Variants in RAB1A observed in about 807,000 individuals in gnomAD.
RAB1A encodes RAB1A, member RAS oncogene family.
RAB1A carries 2 observed loss-of-function variants against 26.0 expected under a neutral mutation model. The ratio of observed to expected loss-of-function variants is 0.08; its 90% CI spans 0.03 to 0.24. The LOEUF is 0.24. Ranked by LOEUF, RAB1A falls within the 10% of genes least tolerant of loss-of-function variation. RAB1A has a pLI of 1.00. For synonymous variants in RAB1A, 84 were observed against 84.9 expected, an observed-to-expected ratio of 0.99 and a Z score of 0.06; for missense variants, 100 against 247.0, an observed-to-expected ratio of 0.40 and a Z score of 3.99.
Position 65,104,715 on chromosome 2 carries a change from CATTTCA to C in RAB1A, c.96+13_96+18del, listed in dbSNP as rs1224340967. 6.6e-7 allele frequency: 1 copy of C among 1,513,026 alleles called. No individual in the cohort carries two copies. The highest frequency in any genetic ancestry group is 9.0e-7 in the Non-Finnish European group (1 of 1,106,840). 93.7% of individuals were successfully genotyped at this position (1,513,026 alleles called of 1,614,324 possible). A position where few individuals can be genotyped will look rare whatever the true frequency, so the allele number is the denominator to read the frequency against. On this transcript the variant is annotated intron_variant, in intron 2 of 5. Transcript: ENST00000409784. ...TTAATTGTACCATTAATTGTAAAGACATTTCAATTTCAACTTACTGCAAACCTAAGA... is the reference window on the plus strand; with the variant it reads ...TTAATTGTACCATTAATTGTAAAGACATTTCAACTTACTGCAAACCTAAGA...
chr2:65,105,786 G>C (rs1056384223), intron 1 of RAB1A, among the ~76,000 whole-genome samples: 10 of 150,326 alleles, frequency 6.7e-5, no homozygotes, highest in African/African-American at 2.4e-4. Context: ...TTTTTGAGAC[G>C]GAGTCTTGCT....
chr2:65,104,935 T>C (rs900582231), intron 1 of RAB1A, 129 bp from the exon 2 acceptor site: 9 of 828,280 alleles, frequency 1.1e-5, no homozygotes, highest in African/African-American at 3.3e-5. Context: ...AGCCCATGCA[T>C]GGCTTAAGCC....
At chr2:65,094,314 G>A (rs866536045) in intron 3 of RAB1A, among the ~76,000 whole-genome samples, 8 of 152,316 alleles carry the variant, frequency 5.3e-5, no homozygotes, top group South Asian at 4.1e-4. Context: ...GCCAGGCGCC[G>A]TGGCTCACGA....
intron 3 of RAB1A, among the ~76,000 whole-genome samples, chr2:65,095,910 T>C (rs1436898280): frequency 6.6e-6 from 1 of 151,986 alleles, no homozygotes; most frequent in Non-Finnish European, 1.5e-5. Flanking sequence ...TCCCAGCACT[T>C]TGGGAAGCCG....
chr2:65,124,064 G>A (rs1302317050), intron 1 of RAB1A, among the ~76,000 whole-genome samples: 1 of 150,936 alleles, frequency 6.6e-6, no homozygotes, highest in African/African-American at 2.4e-5. Flanking sequence ...TTGGCTCACG[G>A]CAACCTCTTT....
intron 1 of RAB1A, among the ~76,000 whole-genome samples, chr2:65,115,592 A>T (rs1669806086): frequency 6.6e-6 from 1 of 152,210 alleles, no homozygotes; most frequent in East Asian, 1.9e-4. Flanking sequence ...AAAATTAAAC[A>T]ATCCTTCAGC....
chr2:65,089,178 C>A, intron 4 of RAB1A, 108 bp from the exon 5 acceptor site: 1 of 1,037,522 alleles, frequency 9.6e-7, no homozygotes, highest in Non-Finnish European at 1.4e-6. Context: ...GCTAGTGAGA[C>A]AACTCTAGCT....
chr2:65,090,496 A>G (rs1446224610), intron 4 of RAB1A, among the ~76,000 whole-genome samples: 2 of 152,154 alleles, frequency 1.3e-5, no homozygotes, highest in African/African-American at 4.8e-5. Context: ...TCAGATACTC[A>G]TTCTCATACT....
rs180845678 is a variant in RAB1A at position 65,109,532 on chromosome 2, C to T, written c.24-4726G>A. Among the ~76,000 whole-genome samples the T allele has an allele frequency of 2.5e-3, 378 of 150,820 alleles. 4 individuals are homozygous for T. Among genetic ancestry groups the T allele is most frequent in the African/African-American group, 8.8e-3 (358 of 40,488 alleles). ...CAGCCTGACCAACATGGTGAAACCC[C>T]GTCTCTACTAAAAAAAAAAATACAA... is the stretch of plus-strand genomic sequence containing the variant. On this transcript the variant is annotated intron_variant, in intron 1 of 5. Transcript: ENST00000409784.
chr2:65,091,128 G>A (rs1263349443), intron 3 of RAB1A, 50 bp from the exon 4 acceptor site: 1 of 1,444,400 alleles, frequency 6.9e-7, no homozygotes, highest in East Asian at 2.3e-5. Context: ...AAATAAAGTT[G>A]GGGAAAAGTG....
At chr2:65,129,755 G>T in intron 1 of RAB1A, 138 bp downstream of exon 1, 1 of 1,392,240 alleles carries the variant, frequency 7.2e-7, no homozygotes, top group Non-Finnish European at 9.8e-7. Flanking sequence ...CCGACTCCCG[G>T]CCGCCAGCCT....
intron 1 of RAB1A, among the ~76,000 whole-genome samples, chr2:65,128,424 T>C (rs895814474): frequency 1.3e-5 from 2 of 152,124 alleles, no homozygotes; most frequent in African/African-American, 4.8e-5. Context: ...TCACCTCCGT[T>C]CAACTGTGCA....
rs141507787 is a variant in RAB1A at position 65,122,085 on chromosome 2, G to C, written c.23+7808C>G. ...GCAGAAGAAATGCTGGAACCCGGGA[G>C]ACAGACGTTGCAGTAAGCCAAGATT... On this transcript the variant is annotated intron_variant, in intron 1 of 5. Coordinates refer to ENST00000409784, the MANE Select transcript of RAB1A (RefSeq NM_004161.5). Among the ~76,000 whole-genome samples, 296 of 146,604 alleles carry C rather than the reference G, an allele frequency of 2.0e-3. 1 individual carries two copies. The highest frequency in any genetic ancestry group is 3.0e-3 in the Non-Finnish European group (204 of 67,362).
intron 1 of RAB1A, among the ~76,000 whole-genome samples, chr2:65,126,701 G>A (rs1670108656): frequency 6.6e-6 from 1 of 152,156 alleles, no homozygotes; most frequent in Non-Finnish European, 1.5e-5. Context: ...TAGTTATTAA[G>A]ATAACATACT....
At chr2:65,121,897 G>A (rs1337043105) in intron 1 of RAB1A, among the ~76,000 whole-genome samples, 2 of 152,162 alleles carry the variant, frequency 1.3e-5, no homozygotes, top group East Asian at 1.9e-4. Flanking sequence ...AGTGGCTCAC[G>A]CCTGTAATCC....
chr2:65,117,709 G>C (rs571288012), intron 1 of RAB1A, among the ~76,000 whole-genome samples: 2 of 150,550 alleles, frequency 1.3e-5, no homozygotes, highest in South Asian at 4.2e-4. Context: ...TGGGACCACA[G>C]GCGCGTGCCA....
At chr2:65,100,657 G>A (rs1305828904) in intron 2 of RAB1A, among the ~76,000 whole-genome samples, 6 of 150,906 alleles carry the variant, frequency 4.0e-5, no homozygotes, top group Non-Finnish European at 8.8e-5. Flanking sequence ...CTAGTCAGGA[G>A]ACCAAGATGG....
intron 1 of RAB1A, among the ~76,000 whole-genome samples, chr2:65,129,029 G>A (rs1670170451): frequency 6.6e-6 from 1 of 151,978 alleles, no homozygotes; most frequent in South Asian, 2.1e-4. Context: ...AAGCATCCAA[G>A]CAGGTAATCC....
intron 3 of RAB1A, among the ~76,000 whole-genome samples, chr2:65,097,430 T>C (rs1669315532): frequency 6.6e-6 from 1 of 152,216 alleles, no homozygotes; most frequent in South Asian, 2.1e-4. Context: ...TCATTAAATC[T>C]TTCAGCATTC....
Sources: gnomAD v4.1 joint callset for allele counts (sites outside exome capture counted in the v4.1 genomes callset) on GRCh38, gnomAD v4.1.1 for gene constraint, MANE v1.5 for transcripts, NCBI Gene and HGNC (gene_info 2026-07-23, HGNC 2026-07-21) for gene names.